Variants in PAH observed in about 807,000 individuals in gnomAD.
PAH encodes the protein phenylalanine hydroxylase, also known as phenylalanine-4-hydroxylase.
PAH carries 64 observed loss-of-function variants against 62.0 expected under a neutral mutation model. That is an observed-to-expected ratio of 1.03 (90% confidence interval 0.84 to 1.27). The LOEUF is 1.27. Ranked by LOEUF, PAH falls within the 50% of genes most tolerant of loss-of-function variation. The probability of loss-of-function intolerance (pLI) is 0.00; values close to 1 mark genes in which losing one functional copy is unlikely to be tolerated. For missense variants in PAH, 579 were observed against 542.8 expected (o/e 1.07, Z -0.66); for synonymous variants, 195 against 196.2 (o/e 0.99, Z 0.05).
At chr12:102,840,087 C>T (rs950917523) in intron 12 of PAH, among the ~76,000 whole-genome samples, 1 of 151,988 alleles carries the variant, frequency 6.6e-6, no homozygotes, top group African/African-American at 2.4e-5. Context: ...AACAACTGGA[C>T]ACTTAGCGTA....
At chr12:102,947,353 G>A (rs549142446) in intron 1 of PAH, among the ~76,000 whole-genome samples, 34 of 152,264 alleles carry the variant, frequency 2.2e-4, no homozygotes, top group African/African-American at 7.9e-4. Context: ...GGAACGAGTT[G>A]AGGGAATAAG....
At chr12:102,952,112 A>G (rs1879781228), upstream of PAH, among the ~76,000 whole-genome samples, 1 of 152,166 alleles carries the variant, frequency 6.6e-6, no homozygotes, top group Non-Finnish European at 1.5e-5. Context: ...CAAAGCACTA[A>G]TTGGTCCCCA....
At chr12:102,846,567 T>G (rs1002688146) in intron 9 of PAH, among the ~76,000 whole-genome samples, 12 of 152,186 alleles carry the variant, frequency 7.9e-5, no homozygotes, top group African/African-American at 2.9e-4. Context: ...ATGTAAACAT[T>G]CCATGTTCAA....
At chr12:102,858,163 AG>A (rs1875531209) in intron 5 of PAH, among the ~76,000 whole-genome samples, 1 of 152,204 alleles carries the variant, frequency 6.6e-6, no homozygotes, top group Admixed American at 6.5e-5. Flanking sequence ...GAAAAAAGGC[AG>A]GGGTTGCAAT....
At chr12:102,880,526 C>T (rs1198722127) in intron 3 of PAH, among the ~76,000 whole-genome samples, 1 of 152,128 alleles carries the variant, frequency 6.6e-6, no homozygotes, top group African/African-American at 2.4e-5. Flanking sequence ...TCTCTTTTGC[C>T]TGGGAATCGT....
At chr12:102,939,021 C>A (rs1283529417) in intron 1 of PAH, among the ~76,000 whole-genome samples, 1 of 151,848 alleles carries the variant, frequency 6.6e-6, no homozygotes, top group Non-Finnish European at 1.5e-5. Context: ...GCACAAAGAC[C>A]CTGATTGCTT....
rs377262652 is a variant in PAH, at chr12:102,839,161, T to G, written c.*14A>C. 39 of 1,610,360 alleles carry G rather than the reference T, an allele frequency of 2.4e-5. No individual in the cohort carries two copies. The African/African-American group carries it at 5.2e-4, about 22-fold the overall frequency. ...ACAGATTCACAGCTGACAGACCACA[T>G]TCTGTCCATGGCTTTACTTTATTTT... On this transcript the variant is annotated 3_prime_UTR_variant, in exon 13 of 13. Transcript: ENST00000553106.
chr12:102,879,260 G>A (rs1373854627), intron 3 of PAH, among the ~76,000 whole-genome samples: 1 of 152,088 alleles, frequency 6.6e-6, no homozygotes, highest in African/African-American at 2.4e-5. Flanking sequence ...GAGGATTGCT[G>A]TGGGCAGTGA....
At chr12:102,853,066 G>A (rs747598086) in intron 6 of PAH, 116 bp from the exon 7 acceptor site, 47 of 1,144,156 alleles carry the variant, frequency 4.1e-5, no homozygotes, top group Non-Finnish European at 5.4e-5. Flanking sequence ...AGGCTTTGAC[G>A]CTAGGCAGAC....
At chr12:102,893,229 GTC>G (rs914800815) in intron 3 of PAH, among the ~76,000 whole-genome samples, 1 of 151,946 alleles carries the variant, frequency 6.6e-6, no homozygotes, top group African/African-American at 2.4e-5. Context: ...GTGAAATCCC[GTC>G]TCTATGGAAA....
At chr12:102,855,835 A>G (rs1875400222) in intron 5 of PAH, among the ~76,000 whole-genome samples, 1 of 152,174 alleles carries the variant, frequency 6.6e-6, no homozygotes, top group Non-Finnish European at 1.5e-5. Context: ...TGGATTTAAT[A>G]TGTAGGCCAC....
At chr12:102,860,064 G>A (rs971440231) in intron 5 of PAH, among the ~76,000 whole-genome samples, 1 of 152,198 alleles carries the variant, frequency 6.6e-6, no homozygotes, top group Non-Finnish European at 1.5e-5. Flanking sequence ...TGACATGATT[G>A]TATATTTAGA....
At position 102,848,505 on chromosome 12, in the gene PAH, G is replaced by T. The variant is rs1317260840; in HGVS notation, c.913-1554C>A. ...ACACCAGGAGACTGGAGAGGTTGAG[G>T]ATAGACAGGACACCAGGAGACTGGA... On this transcript the variant is annotated intron_variant, in intron 8 of 12. Coordinates refer to ENST00000553106, the MANE Select transcript of PAH (RefSeq NM_000277.3). Among the ~76,000 whole-genome samples the T allele has an allele frequency of 6.4e-4, 34 of 53,176 alleles. 2 individuals are homozygous for T. The highest frequency in any genetic ancestry group is 9.7e-4 in the Admixed American group (4 of 4,114). The allele number at this position is 53,176 out of a possible 152,430, so 34.9% of individuals were successfully genotyped here. A position where few individuals can be genotyped will look rare whatever the true frequency, so the allele number is the denominator to read the frequency against.
chr12:102,924,939 G>A (rs1187994322), intron 1 of PAH, among the ~76,000 whole-genome samples: 1 of 152,172 alleles, frequency 6.6e-6, no homozygotes, highest in Non-Finnish European at 1.5e-5. Flanking sequence ...TGGAAAGTCT[G>A]CCTAGAAGTT....
upstream of PAH, among the ~76,000 whole-genome samples, chr12:102,954,063 T>G (rs1879842718): frequency 2.0e-5 from 3 of 152,218 alleles, 1 homozygote; most frequent in Admixed American, 6.5e-5. Flanking sequence ...CTTAGCCAAC[T>G]AAAGCCCTAA....
chr12:102,851,776 G>A lies in PAH; in HGVS notation c.843-20C>T. ...ATGTCACTGAAAGACAGAAAGCACA[G>A]AGAGCTCGGAGGGGAGGAGGTTTAA... is the stretch of plus-strand genomic sequence containing the variant. On this transcript the variant is annotated intron_variant, in intron 7 of 12. Coordinates refer to ENST00000553106, the MANE Select transcript of PAH (RefSeq NM_000277.3). The A allele has an allele frequency of 1.2e-6, 2 of 1,607,250 alleles. No individual in the cohort carries two copies. Among genetic ancestry groups the A allele is most frequent in the Non-Finnish European group, 1.7e-6 (2 of 1,173,856 alleles).
chr12:102,904,814 G>GACTATGCAC (rs1877907189), intron 2 of PAH: 1 of 471,854 alleles, frequency 2.1e-6, no homozygotes, highest in South Asian at 1.6e-5. Flanking sequence ...CACCCGAGTA[G>GACTATGCAC]ACTATGCACA....
rs62508730 is a variant in PAH at position 102,852,935 on chromosome 12, C to A, written c.722G>T (p.Arg241Leu). 28 of 1,613,840 alleles carry A rather than the reference C, an allele frequency of 1.7e-5. No homozygotes were observed. Among genetic ancestry groups the A allele is most frequent in the East Asian group, 2.2e-5 (1 of 44,864 alleles). ...SQFLQTCTGFRLRPVAGLLSS... is the reference protein window; with the variant it reads ...SQFLQTCTGFLLRPVAGLLSS... The stretch of plus-strand genomic sequence containing the variant: ...AAGCAGGCCAGCCACAGGTCGGAGG[C>A]GGAAACCAGTGCAAGCTGGGATGAA... The change falls in exon 7 of 13, where the codon CGC (arginine) becomes CTC (leucine). Residue 241 changes from arginine (R) to leucine (L), a missense_variant. Arg to Leu is a moderately radical substitution (Grantham distance 102, BLOSUM62 -2). Coordinates refer to ENST00000553106, the MANE Select transcript of PAH (RefSeq NM_000277.3).
At chr12:102,921,268 A>G (rs1878545471), upstream of PAH, among the ~76,000 whole-genome samples, 1 of 152,198 alleles carries the variant, frequency 6.6e-6, no homozygotes, top group African/African-American at 2.4e-5. Context: ...CTCATAACTC[A>G]TGAGTTTGAG....
Sources: gnomAD v4.1 joint callset for allele counts (sites outside exome capture counted in the v4.1 genomes callset) on GRCh38, gnomAD v4.1.1 for gene constraint, MANE v1.5 for transcripts, NCBI Gene and HGNC (gene_info 2026-07-23, HGNC 2026-07-21) for gene names.